Variants in CCT6A observed in about 807,000 individuals in gnomAD.
CCT6A encodes the protein T-complex protein 1 subunit zeta.
CCT6A carries 6 observed loss-of-function variants against 58.6 expected under a neutral mutation model. That is an observed-to-expected ratio of 0.10 (90% CI 0.06 to 0.20). The LOEUF is 0.20. Ranked by LOEUF, CCT6A falls within the 10% of genes least tolerant of loss-of-function variation. The pLI, the probability that CCT6A is intolerant of heterozygous loss-of-function variation, is 1.00. For synonymous variants in CCT6A, 245 were observed against 227.8 expected (o/e 1.08, Z -0.68); for missense variants, 516 against 648.8 (o/e 0.80, Z 2.22).
At chr7:56,055,866 TG>T in intron 4 of CCT6A, 69 bp downstream of exon 4, 6 of 1,137,746 alleles carry the variant, frequency 5.3e-6, no homozygotes, top group Non-Finnish European at 7.7e-6. Flanking sequence ...AGTAGAAACA[TG>T]AATATGATTA....
At chr7:56,062,334 G>GT (rs1437080718) in intron 12 of CCT6A, among the ~76,000 whole-genome samples, 2 of 152,184 alleles carry the variant, frequency 1.3e-5, no homozygotes, top group Non-Finnish European at 2.9e-5. Context: ...CCTCCATGCA[G>GT]TATGTGCAAG....
chr7:56,057,547 T>A (rs530492291), intron 5 of CCT6A, among the ~76,000 whole-genome samples: 1 of 152,298 alleles, frequency 6.6e-6, no homozygotes, highest in East Asian at 1.9e-4. Context: ...AGTGAGACCA[T>A]CTCTGCAGAC....
At chr7:56,058,748 ATTAT>A in intron 8 of CCT6A, 46 bp downstream of exon 8, 2 of 1,158,124 alleles carry the variant, frequency 1.7e-6, no homozygotes, top group Non-Finnish European at 2.6e-6. Context: ...GTGAATTGGG[ATTAT>A]TTCTTTTTCC....
At chr7:56,055,918 G>A in intron 4 of CCT6A, 121 bp downstream of exon 4, 1 of 683,128 alleles carries the variant, frequency 1.5e-6, no homozygotes, top group South Asian at 2.1e-5. Flanking sequence ...TCATTTTTGT[G>A]GCAATGATAC....
intron 13 of CCT6A, 124 bp from the exon 14 acceptor site, chr7:56,062,889 A>AGGGCTAGT: frequency 8.9e-7 from 1 of 1,118,888 alleles, no homozygotes; most frequent in Non-Finnish European, 1.4e-6. Context: ...TAGCCCTCTG[A>AGGGCTAGT]TGTGTAGAGG....
At chr7:56,055,601 G>T in intron 3 of CCT6A, 23 bp from the exon 4 acceptor site, 2 of 1,599,910 alleles carry the variant, frequency 1.3e-6, no homozygotes, top group South Asian at 2.2e-5. Context: ...GAAGATGCAA[G>T]TGTTAATGTG....
Position 56,051,787 on chromosome 7 carries a change from C to T in CCT6A, c.-62C>T, listed in dbSNP as rs180755860. The T allele has an allele frequency of 9.8e-4, 1,502 of 1,531,716 alleles. 23 individuals are homozygous for T. In the Admixed American group the frequency reaches 0.023, roughly 23 times the overall value. 94.9% of individuals were successfully genotyped at this position (1,531,716 alleles called of 1,614,324 possible). On this transcript the variant is annotated 5_prime_UTR_variant, in exon 1 of 14. Transcript: ENST00000275603. Reference sequence around the variant, plus strand: ...TCCAGAAGACCCGGATAGTTCCTCCCGGCCACGCCGCGCCGGCTCTGGGCA... The same window carrying T: ...TCCAGAAGACCCGGATAGTTCCTCCTGGCCACGCCGCGCCGGCTCTGGGCA...
chr7:56,055,558 G>T, intron 3 of CCT6A, 66 bp from the exon 4 acceptor site: 2 of 1,350,872 alleles, frequency 1.5e-6, no homozygotes, highest in Non-Finnish European at 2.1e-6. Context: ...ATAATTACCT[G>T]AACTTTATCA....
chr7:56,058,063 T>C lies in CCT6A; in HGVS notation c.685T>C (p.Tyr229His). The C allele has an allele frequency of 6.2e-7, 1 of 1,611,120 alleles. No individual in the cohort carries two copies. The highest frequency in any genetic ancestry group is 8.5e-7 in the Non-Finnish European group (1 of 1,177,256). ...PDMKKRVEDA[Y>H]ILTCNVSLEY... ...TATGAAGAAAAGGGTGGAGGATGCA[T>C]ACATCCTCACTTGTAACGTGTCATT... Residue 229 changes from tyrosine (Y) to histidine (H), a missense_variant, in exon 6 of 14, where the codon TAC becomes CAC. By Grantham distance (83) the Tyr-to-His change is moderately conservative (BLOSUM62 2). Transcript: ENST00000275603.
chr7:56,057,907 A>C (rs1794348542), intron 5 of CCT6A, 86 bp from the exon 6 acceptor site: 1 of 767,332 alleles, frequency 1.3e-6, no homozygotes, highest in Non-Finnish European at 2.3e-6. Flanking sequence ...ACTGCGTGAA[A>C]TATCAATACC....
chr7:56,063,876 A>G lies in CCT6A; in HGVS notation c.*791A>G, dbSNP rs575235170. On this transcript the variant is annotated 3_prime_UTR_variant, in exon 14 of 14. Transcript: ENST00000275603. ...CGTTTCCACGAGATTATTTATATAT[A>G]GTTGGTCTATCTCTGCAGTCCTTGA... The G allele has an allele frequency of 4.9e-6, 1 of 204,888 alleles. No homozygotes were observed. Among genetic ancestry groups the G allele is most frequent in the Non-Finnish European group, 9.8e-6 (1 of 101,898 alleles). 12.7% of individuals were successfully genotyped at this position (204,888 alleles called of 1,614,324 possible).
intron 4 of CCT6A, 48 bp downstream of exon 4, chr7:56,055,845 A>G: frequency 7.4e-7 from 1 of 1,351,466 alleles, no homozygotes; most frequent in Non-Finnish European, 1.0e-6. Context: ...CCTATATAGA[A>G]AATCTCTGAT....
At position 56,060,781 on chromosome 7, in the gene CCT6A, A is replaced by G. The variant is rs1432568065; in HGVS notation, c.1214-26A>G. ...TAATTAGTTCTGCAGTTTTCTTAGC[A>G]TTTTTCCTTTTCCCCCATCCAACAG... On this transcript the variant is annotated intron_variant, in intron 10 of 13. Transcript: ENST00000275603. 1.9e-6 allele frequency: 3 copies of G among 1,589,802 alleles called. No homozygotes were observed. The African/African-American group carries it at 4.1e-5, about 22-fold the overall frequency.
At position 56,058,081 on chromosome 7, in the gene CCT6A, G is replaced by A. The variant is rs1330198064; in HGVS notation, c.703G>A (p.Val235Met). The A allele has an allele frequency of 6.3e-7, 1 of 1,597,172 alleles. No homozygotes were observed. The highest frequency in any genetic ancestry group is 8.6e-7 in the Non-Finnish European group (1 of 1,164,666). Residue 235 changes from valine (V) to methionine (M), a missense_variant, in exon 6 of 14, where the codon GTG becomes ATG. Val to Met is a conservative substitution (Grantham distance 21). This residue lies in a region of CCT6A where 315 missense variants were observed against 389.4 expected (regional missense o/e 0.81). Transcript: ENST00000275603. ...GGATGCATACATCCTCACTTGTAAC[G>A]TGTCATTAGAGTATGAGAAAACGTA... ...VEDAYILTCN[V>M]SLEYEKTEVN...
rs1308608490 is a variant in CCT6A, at chr7:56,051,918, A to G, written c.70A>G (p.Ile24Val). The change falls in exon 1 of 14, where the codon ATC becomes GTC. Residue 24 changes from isoleucine (I) to valine (V), a missense_variant. Coordinates refer to ENST00000275603, the MANE Select transcript of CCT6A (RefSeq NM_001762.4). ...AGCGCAGGCGGCGCTGGCGGTCAACATCAGCGCAGCGCGGGGTCTGCAGGA... is the reference window on the plus strand; with the variant it reads ...AGCGCAGGCGGCGCTGGCGGTCAACGTCAGCGCAGCGCGGGGTCTGCAGGA... ...ARAQAALAVN[I>V]SAARGLQDVL... is the part of the protein sequence containing the mutation. 6.4e-7 allele frequency: 1 copy of G among 1,551,848 alleles called. No individual in the cohort carries two copies. The highest frequency in any genetic ancestry group is 8.7e-7 in the Non-Finnish European group (1 of 1,147,748).
rs1319088367 is a variant in CCT6A at position 56,058,688 on chromosome 7, G to A, written c.954G>A (p.Arg318=). 1.3e-6 allele frequency: 2 copies of A among 1,566,774 alleles called. No homozygotes were observed. The highest frequency in any genetic ancestry group is 1.8e-6 in the Non-Finnish European group (2 of 1,140,556). Residue 318 remains arginine (R), a synonymous_variant, in exon 8 of 14, where the codon AGG becomes AGA. Coordinates refer to ENST00000275603, the MANE Select transcript of CCT6A (RefSeq NM_001762.4). ...EGIVALRRAK[R]RNMERLTLAC... ...TAGTTGCTCTGCGCAGAGCTAAAAG[G>A]AGAAATATGGAGAGGTATCCGAGTA...
At chr7:56,057,370 G>A (rs925674277) in intron 5 of CCT6A, among the ~76,000 whole-genome samples, 7 of 151,852 alleles carry the variant, frequency 4.6e-5, no homozygotes, top group Admixed American at 4.6e-4. Context: ...GGGTGTGTGT[G>A]TGTGTGTGTC....
In CCT6A at chr7:56,055,751, C is replaced by G. The variant is rs746209990; in HGVS notation, c.464C>G (p.Ser155Cys). The change falls in exon 4 of 14, where the codon TCT (serine) becomes TGT (cysteine). Residue 155 changes from serine to cysteine, a missense_variant. Physicochemically the swap from Ser to Cys is moderately radical, Grantham distance 112. This residue lies in a region of CCT6A where 85 missense variants were observed against 74.9 expected (regional missense o/e 1.13). Transcript: ENST00000275603. Reference sequence around the variant, plus strand: ...ACACTTATAGATGTGGCCAGAACATCTCTTCGTACTAAAGTTCATGCTGAA... The same window carrying G: ...ACACTTATAGATGTGGCCAGAACATGTCTTCGTACTAAAGTTCATGCTGAA... Reference protein sequence around the residue: ...RETLIDVARTSLRTKVHAELA... With the variant: ...RETLIDVARTCLRTKVHAELA... 23 of 1,613,670 alleles carry G rather than the reference C, an allele frequency of 1.4e-5. No homozygotes were observed. Among genetic ancestry groups the G allele is most frequent in the Non-Finnish European group, 1.7e-5 (20 of 1,179,764 alleles).
intron 2 of CCT6A, 59 bp from the exon 3 acceptor site, chr7:56,054,308 CTG>C: frequency 3.5e-6 from 5 of 1,416,494 alleles, no homozygotes; most frequent in East Asian, 2.3e-5. Context: ...TGCATTTTGT[CTG>C]TGGTATATTT....
Sources: gnomAD v4.1 joint callset for allele counts (sites outside exome capture counted in the v4.1 genomes callset) on GRCh38, gnomAD v4.1.1 for gene constraint, gnomAD v4.1.1 regional missense constraint, MANE v1.5 for transcripts, NCBI Gene and HGNC (gene_info 2026-07-23, HGNC 2026-07-21) for gene names.